Variants in EPHA5 observed in about 807,000 individuals in gnomAD.
EPHA5 encodes the protein EPH receptor A5.
A neutral mutation model predicts 105.0 loss-of-function variants in EPHA5; 60 were observed. The ratio of observed to expected loss-of-function variants is 0.57; its 90% CI spans 0.46 to 0.71. The LOEUF is 0.71. Ranked by LOEUF, EPHA5 falls within the 30% of genes least tolerant of loss-of-function variation. The pLI, the probability that EPHA5 is intolerant of heterozygous loss-of-function variation, is 0.00. For synonymous variants in EPHA5, 513 were observed against 449.1 expected, an observed-to-expected ratio of 1.14 and a Z score of -1.80; for missense variants, 1,218 against 1,274.7, an observed-to-expected ratio of 0.96 and a Z score of 0.68.
intron 3 of EPHA5, among the ~76,000 whole-genome samples, chr4:65,553,439 C>T (rs1738112250): frequency 6.6e-6 from 1 of 151,892 alleles, no homozygotes; most frequent in South Asian, 2.1e-4. Flanking sequence ...TTCTGTTACT[C>T]AATAATTGCA....
intron 1 of EPHA5, among the ~76,000 whole-genome samples, chr4:65,645,557 T>G (rs550875934): frequency 6.6e-6 from 1 of 152,224 alleles, no homozygotes; most frequent in South Asian, 2.1e-4. Flanking sequence ...TCAGATGGTT[T>G]TTCAAGATTC....
At chr4:65,522,431 A>G (rs1463632022) in intron 3 of EPHA5, among the ~76,000 whole-genome samples, 1 of 151,514 alleles carries the variant, frequency 6.6e-6, no homozygotes, top group African/African-American at 2.4e-5. Context: ...AATTTTGTGC[A>G]CTCACATATA....
intron 3 of EPHA5, among the ~76,000 whole-genome samples, chr4:65,514,640 T>C (rs1318573889): frequency 6.6e-6 from 1 of 152,214 alleles, no homozygotes; most frequent in Non-Finnish European, 1.5e-5. Context: ...TCAAAATTAC[T>C]GAGTTCAGTG....
In EPHA5 at chr4:65,635,491, C is replaced by T. The variant is rs1747036321; in HGVS notation, c.246+7872G>A. On this transcript the variant is annotated intron_variant, in intron 2 of 16. Coordinates refer to ENST00000613740, the MANE Select transcript of EPHA5 (RefSeq NM_001281766.3). ...ATGCTCAGGGGAATGTAGTGGTTTC[C>T]CCATTGTGTGCTAGAGGAAGCACAG... Among the ~76,000 whole-genome samples, 8 of 152,106 alleles carry T rather than the reference C, an allele frequency of 5.3e-5. No homozygotes were observed. The South Asian group carries it at 1.7e-3, about 32-fold the overall frequency.
At chr4:65,490,809 T>A (rs1433057709) in intron 4 of EPHA5, 97 bp from the exon 5 acceptor site, 4 of 1,257,218 alleles carry the variant, frequency 3.2e-6, no homozygotes, top group Non-Finnish European at 3.3e-6. Context: ...AAAAAATAGA[T>A]TTGCAATAAG....
chr4:65,361,049 C>G (rs1250573229), intron 11 of EPHA5, among the ~76,000 whole-genome samples: 1 of 151,662 alleles, frequency 6.6e-6, no homozygotes, highest in South Asian at 2.1e-4. Context: ...ATATAAAGTG[C>G]TACACCTGTT....
At chr4:65,502,862 TAG>T (rs1052135397) in intron 3 of EPHA5, among the ~76,000 whole-genome samples, 6 of 151,786 alleles carry the variant, frequency 4.0e-5, no homozygotes, top group African/African-American at 1.4e-4. Context: ...TGAATCAACC[TAG>T]GTTTCCACCA....
chr4:65,547,815 T>C (rs73822201), intron 3 of EPHA5, among the ~76,000 whole-genome samples: 181 of 152,096 alleles, frequency 1.2e-3, no homozygotes, highest in African/African-American at 4.3e-3. Flanking sequence ...AGTTAAATAT[T>C]ATTTGCATTA....
At chr4:65,566,765 T>A (rs532928669) in intron 3 of EPHA5, among the ~76,000 whole-genome samples, 32 of 151,826 alleles carry the variant, frequency 2.1e-4, no homozygotes, top group Non-Finnish European at 4.0e-4. Context: ...ATTGACAGCA[T>A]GCTAATTATT....
chr4:65,345,105 A>G (rs992628229), intron 14 of EPHA5, among the ~76,000 whole-genome samples: 3 of 152,240 alleles, frequency 2.0e-5, no homozygotes, highest in South Asian at 4.1e-4. Context: ...AAATATAAGT[A>G]TAAATATATG....
chr4:65,319,690 CCTT>C lies in EPHA5; in HGVS notation c.*4421_*4423del, dbSNP rs1325753683. The C allele has an allele frequency of 8.9e-6, 2 of 225,252 alleles. No homozygotes were observed. Among genetic ancestry groups the C allele is most frequent in the Non-Finnish European group, 1.8e-5 (2 of 113,058 alleles). The allele number at this position is 225,252 out of a possible 1,614,324, so 14.0% of individuals were successfully genotyped here. A position where few individuals can be genotyped will look rare whatever the true frequency, so the allele number is the denominator to read the frequency against. On this transcript the variant is annotated 3_prime_UTR_variant, in exon 17 of 17. Transcript: ENST00000613740. ...TGAGAAAAAATACAGAAATCCTAAT[CCTT>C]CTTTGAATTAACTGTGAGACAGGAA...
intron 6 of EPHA5, among the ~76,000 whole-genome samples, chr4:65,418,471 T>C (rs1352811078): frequency 1.3e-5 from 2 of 152,156 alleles, no homozygotes; most frequent in African/African-American, 2.4e-5. Context: ...GTGTTAACCA[T>C]ATCCCAACAT....
intron 5 of EPHA5, among the ~76,000 whole-genome samples, chr4:65,472,472 C>T (rs779570918): frequency 3.9e-5 from 6 of 152,172 alleles, no homozygotes; most frequent in Non-Finnish European, 8.8e-5. Context: ...GAGGGTTCTG[C>T]CCTTACAGCA....
intron 1 of EPHA5, among the ~76,000 whole-genome samples, chr4:65,665,403 T>C (rs1749882503): frequency 2.0e-5 from 3 of 152,156 alleles, no homozygotes; most frequent in South Asian, 4.1e-4. Context: ...AATTAAAAAG[T>C]TTGGAAATGT....
chr4:65,660,128 T>G (rs1439038628), intron 1 of EPHA5, among the ~76,000 whole-genome samples: 1 of 152,074 alleles, frequency 6.6e-6, no homozygotes, highest in African/African-American at 2.4e-5. Context: ...GGACTAAATA[T>G]TCAAAATATT....
At chr4:65,465,522 A>G (rs1029469168) in intron 5 of EPHA5, among the ~76,000 whole-genome samples, 5,919 of 108,248 alleles carry the variant, frequency 0.055, 134 homozygotes, top group Non-Finnish European at 0.073. Context: ...AAAGAAAGAA[A>G]GAAAGAAAAG....
At chr4:65,498,769 C>A (rs974443997) in intron 3 of EPHA5, among the ~76,000 whole-genome samples, 1 of 151,486 alleles carries the variant, frequency 6.6e-6, no homozygotes, top group Non-Finnish European at 1.5e-5. Context: ...ATATGTAAGG[C>A]ATTATTTAAT....
chr4:65,396,185 G>T (rs143189300), intron 8 of EPHA5, among the ~76,000 whole-genome samples: 2 of 152,298 alleles, frequency 1.3e-5, no homozygotes, highest in East Asian at 3.9e-4. Flanking sequence ...ATAAGCTTGG[G>T]CACTGTTAAA....
intron 8 of EPHA5, among the ~76,000 whole-genome samples, chr4:65,378,825 T>G (rs10019169): frequency 6.6e-6 from 1 of 151,836 alleles, no homozygotes; most frequent in Non-Finnish European, 1.5e-5. Context: ...AACACAATGA[T>G]TGACACTTGT....
Sources: allele counts gnomAD v4.1 joint callset (sites outside exome capture counted in the v4.1 genomes callset), GRCh38; gene constraint gnomAD v4.1.1; transcripts MANE v1.5; gene names NCBI Gene and HGNC (gene_info 2026-07-23, HGNC 2026-07-21).